The following ANXA11 variants were observed in gnomAD, a reference collection of about 807,000 sequenced individuals.
ANXA11 encodes the protein 56 kDa autoantigen.
ANXA11 carries 57 observed loss-of-function variants against 64.7 expected under a neutral mutation model. The observed-to-expected ratio is 0.88, with a 90% CI of 0.71 to 1.10. The LOEUF (loss-of-function observed/expected upper bound fraction) is 1.10. Among genes scored for constraint, ANXA11 ranks in the 50% least tolerant of loss-of-function variants. ANXA11 has a pLI of 0.00. For missense variants in ANXA11, 675 were observed against 670.7 expected (o/e 1.01, Z -0.07); for synonymous variants, 260 against 265.2 (o/e 0.98, Z 0.19).
intron 5 of ANXA11, 90 bp from the exon 6 acceptor site, chr10:80,167,403 C>T (rs1371750296): frequency 1.7e-6 from 2 of 1,177,246 alleles, no homozygotes; most frequent in Non-Finnish European, 2.5e-6. Context: ...TGGGAACAGC[C>T]CTTTCTCTAA....
intron 11 of ANXA11, among the ~76,000 whole-genome samples, 171 bp downstream of exon 11, chr10:80,163,178 T>A (rs1373113890): frequency 2.0e-5 from 3 of 151,532 alleles, no homozygotes; most frequent in African/African-American, 7.3e-5. Flanking sequence ...GAGGTCAGAT[T>A]ACCTGTTCTA....
At chr10:80,163,020 C>T (rs1285402194) in intron 11 of ANXA11, among the ~76,000 whole-genome samples, 3 of 152,126 alleles carry the variant, frequency 2.0e-5, no homozygotes, top group African/African-American at 7.2e-5. Flanking sequence ...AAATTTTGCC[C>T]CTTTGCAAAC....
At chr10:80,182,429 C>T (rs191114199) in intron 1 of ANXA11, among the ~76,000 whole-genome samples, 31 of 152,152 alleles carry the variant, frequency 2.0e-4, no homozygotes, top group Admixed American at 5.2e-4. Flanking sequence ...CAGTTTTCAA[C>T]GTACAGTTTA....
At chr10:80,199,387 G>A (rs1041719044) in intron 1 of ANXA11, among the ~76,000 whole-genome samples, 3 of 152,078 alleles carry the variant, frequency 2.0e-5, no homozygotes, top group East Asian at 1.9e-4. Context: ...GTGAGCTACC[G>A]CGCCCAGCCA....
At chr10:80,163,941 G>T in intron 9 of ANXA11, 112 bp downstream of exon 9, 2 of 896,024 alleles carry the variant, frequency 2.2e-6, no homozygotes, top group East Asian at 2.5e-5. Context: ...AAGATGGGTT[G>T]ATAAGAAGGC....
intron 1 of ANXA11, among the ~76,000 whole-genome samples, chr10:80,190,619 G>A (rs763797613): frequency 6.6e-6 from 1 of 151,104 alleles, no homozygotes; most frequent in Non-Finnish European, 1.5e-5. Flanking sequence ...CTGAGTAGCT[G>A]GGATCACAGG....
intron 1 of ANXA11, among the ~76,000 whole-genome samples, chr10:80,189,767 T>C (rs1482070814): frequency 1.3e-5 from 2 of 152,218 alleles, no homozygotes; most frequent in Non-Finnish European, 2.9e-5. Context: ...ACTCAACCTA[T>C]ATACCTAAAG....
intron 3 of ANXA11, 120 bp from the exon 4 acceptor site, chr10:80,171,035 C>T (rs1280851777): frequency 1.3e-6 from 2 of 1,525,180 alleles, no homozygotes; most frequent in Non-Finnish European, 1.8e-6. Context: ...AGCCTCGAGC[C>T]TCGGGACACC....
At chr10:80,196,558 T>A (rs925473728) in intron 1 of ANXA11, among the ~76,000 whole-genome samples, 1 of 152,064 alleles carries the variant, frequency 6.6e-6, no homozygotes, top group African/African-American at 2.4e-5. Context: ...GGACCTTAAG[T>A]GATGTGAGTG....
intron 15 of ANXA11, among the ~76,000 whole-genome samples, 163 bp from the exon 16 acceptor site, chr10:80,156,075 A>C (rs933563574): frequency 6.6e-6 from 1 of 152,208 alleles, no homozygotes; most frequent in Non-Finnish European, 1.5e-5. Context: ...GACCTTAAAA[A>C]ATGCAGTTCA....
intron 1 of ANXA11, among the ~76,000 whole-genome samples, chr10:80,201,825 T>C (rs1840437549): frequency 6.6e-6 from 1 of 152,198 alleles, no homozygotes; most frequent in Admixed American, 6.5e-5. Flanking sequence ...ATATGCCATA[T>C]GCTCCCTAGC....
At chr10:80,194,148 G>A (rs1404514861) in intron 1 of ANXA11, among the ~76,000 whole-genome samples, 2 of 152,164 alleles carry the variant, frequency 1.3e-5, no homozygotes, top group Non-Finnish European at 2.9e-5. Context: ...TCTGCAGTAG[G>A]TCCAGGTTTT....
intron 3 of ANXA11, chr10:80,171,907 G>T (rs1164140766): frequency 3.6e-5 from 35 of 985,446 alleles, no homozygotes; most frequent in Non-Finnish European, 4.1e-5. Flanking sequence ...TCAGAGGGCA[G>T]TGGCCCAGCT....
At chr10:80,159,298 G>C in intron 12 of ANXA11, 103 bp from the exon 13 acceptor site, 3 of 910,250 alleles carry the variant, frequency 3.3e-6, no homozygotes, top group Non-Finnish European at 5.3e-6. Context: ...AACCGTGTTT[G>C]GAGATAAGAT....
intron 4 of ANXA11, among the ~76,000 whole-genome samples, chr10:80,170,542 C>A (rs1845929794): frequency 6.6e-6 from 1 of 152,198 alleles, no homozygotes; most frequent in Admixed American, 6.5e-5. Context: ...CCTAACCCCT[C>A]AGGGCTGAAA....
At chr10:80,159,474 C>T (rs762296563) in intron 12 of ANXA11, among the ~76,000 whole-genome samples, 9 of 152,160 alleles carry the variant, frequency 5.9e-5, no homozygotes, top group Non-Finnish European at 1.0e-4. Flanking sequence ...GAAGAGGCCA[C>T]GGGAGAAACC....
At position 80,168,863 on chromosome 10, in the gene ANXA11, C is replaced by T. The variant is rs1845849294; in HGVS notation, c.561+106G>A. The T allele has an allele frequency of 3.2e-6, 4 of 1,253,566 alleles. No individual in the cohort carries two copies. The South Asian group carries it at 5.6e-5, about 17-fold the overall frequency. The allele number at this position is 1,253,566 out of a possible 1,614,324, so 77.7% of individuals were successfully genotyped here. Reference sequence around the variant, plus strand: ...ACACTATTTGTTAAAACAAGAAGTGCAGCTGGAGGCCTGCGCCTTTCCCTG... The same window carrying T: ...ACACTATTTGTTAAAACAAGAAGTGTAGCTGGAGGCCTGCGCCTTTCCCTG... On this transcript the variant is annotated intron_variant, in intron 5 of 15. Coordinates refer to ENST00000422982, the MANE Select transcript of ANXA11 (RefSeq NM_145868.2).
At chr10:80,182,794 TAAGTA>T (rs1332611519) in intron 1 of ANXA11, among the ~76,000 whole-genome samples, 1 of 152,196 alleles carries the variant, frequency 6.6e-6, no homozygotes, top group Non-Finnish European at 1.5e-5. Context: ...CGGCTCTGGT[TAAGTA>T]ATGTCTCAGG....
At chr10:80,167,007 T>G (rs1589424897) in intron 6 of ANXA11, 23 bp from the exon 7 acceptor site, 2 of 1,522,050 alleles carry the variant, frequency 1.3e-6, no homozygotes, top group Non-Finnish European at 1.8e-6. Context: ...GCAGCAGGGG[T>G]GGGTCGGGTA....
Sources: gnomAD v4.1 joint callset for allele counts (sites outside exome capture counted in the v4.1 genomes callset) on GRCh38, gnomAD v4.1.1 for gene constraint, MANE v1.5 for transcripts, NCBI Gene and HGNC (gene_info 2026-07-23, HGNC 2026-07-21) for gene names.